GRID2: variants seen among roughly 807,000 people sequenced by gnomAD.
GRID2 encodes glutamate ionotropic receptor delta type subunit 2, also known as glutamate receptor ionotropic, delta-2.
A neutral mutation model predicts 114.8 loss-of-function variants in GRID2; 33 were observed. The observed-to-expected ratio is 0.29, with a 90% CI of 0.22 to 0.38. The LOEUF (loss-of-function observed/expected upper bound fraction) is 0.38. Ranked by LOEUF, GRID2 falls within the 10% of genes least tolerant of loss-of-function variation. The probability of loss-of-function intolerance (pLI) is 1.00; values close to 1 mark genes in which losing one functional copy is unlikely to be tolerated. For synonymous variants in GRID2, 505 were observed against 449.9 expected (o/e 1.12, Z -1.55); for missense variants, 1,184 against 1,257.7 (o/e 0.94, Z 0.89).
rs115503484 is a variant in GRID2, at chr4:93,662,019, C to G, written c.2360+35584C>G. Among the ~76,000 whole-genome samples, 1,178 of 152,308 alleles carry G rather than the reference C, an allele frequency of 7.7e-3. 5 individuals are homozygous for G. Among genetic ancestry groups the G allele is most frequent in the Non-Finnish European group, 0.012 (838 of 68,020 alleles). On this transcript the variant is annotated intron_variant, in intron 14 of 15. Coordinates refer to ENST00000282020, the MANE Select transcript of GRID2 (RefSeq NM_001510.4). ...CCTGACATCACTTCTTCCATTCCCC[C>G]CAACCCTTGCTCATTCTGTTCCAGC...
At chr4:93,713,528 A>G (rs1319095337) in intron 14 of GRID2, among the ~76,000 whole-genome samples, 1 of 152,078 alleles carries the variant, frequency 6.6e-6, no homozygotes, top group Non-Finnish European at 1.5e-5. Context: ...TACAATGGTG[A>G]AAAAGACATG....
rs538857413 is a variant in GRID2 at position 92,309,146 on chromosome 4, C to T, written c.88+4402C>T. Among the ~76,000 whole-genome samples, 34 of 152,008 alleles carry T rather than the reference C, an allele frequency of 2.2e-4. 1 individual carries two copies. The South Asian group carries it at 6.2e-3, about 28-fold the overall frequency. ...TAGGAATAAAAATCCAGGTGATTAA[C>T]TTTTGATTTATTAAAAAATAAAAGC... On this transcript the variant is annotated intron_variant, in intron 1 of 15. Coordinates refer to ENST00000282020, the MANE Select transcript of GRID2 (RefSeq NM_001510.4).
intron 4 of GRID2, among the ~76,000 whole-genome samples, chr4:93,178,731 GATGTGTGTGA>G (rs1006677962): frequency 1.3e-5 from 2 of 151,898 alleles, no homozygotes; most frequent in African/African-American, 4.8e-5. Context: ...TTCTGTATGC[GATGTGTGTGA>G]ATGTGTGTGT....
At chr4:92,997,778 G>T (rs1186452945) in intron 2 of GRID2, among the ~76,000 whole-genome samples, 1 of 152,096 alleles carries the variant, frequency 6.6e-6, no homozygotes, top group Non-Finnish European at 1.5e-5. Flanking sequence ...TGAAATTTTA[G>T]CTTTGTCACT....
chr4:93,118,680 A>G (rs925381845), intron 4 of GRID2, among the ~76,000 whole-genome samples: 13 of 152,304 alleles, frequency 8.5e-5, no homozygotes, highest in African/African-American at 2.9e-4. Context: ...AATTTATTGA[A>G]AACGGCTTAC....
chr4:92,873,457 G>C lies in GRID2; in HGVS notation c.245-211538G>C, dbSNP rs575875871. 4.6e-5 allele frequency among the ~76,000 whole-genome samples: 7 copies of C among 151,880 alleles called. No individual in the cohort carries two copies. In the South Asian group the frequency reaches 1.5e-3, roughly 31 times the overall value. On this transcript the variant is annotated intron_variant, in intron 2 of 15. Coordinates refer to ENST00000282020, the MANE Select transcript of GRID2 (RefSeq NM_001510.4). The stretch of plus-strand genomic sequence containing the variant: ...GTATTTTCAAAAAAATCATTTAAAT[G>C]TTATATTATTAAAATTGGACTTGAA...
chr4:93,384,632 TA>T (rs1170752902), intron 8 of GRID2, among the ~76,000 whole-genome samples: 4 of 152,296 alleles, frequency 2.6e-5, no homozygotes, highest in Middle Eastern at 3.4e-3. Context: ...AGGTATTTAA[TA>T]AATAACTGTC....
At chr4:93,197,740 C>CA (rs1222280257) in intron 4 of GRID2, among the ~76,000 whole-genome samples, 2 of 152,136 alleles carry the variant, frequency 1.3e-5, no homozygotes, top group Non-Finnish European at 2.9e-5. Context: ...ACCTGAGACT[C>CA]AGAGTATGTA....
chr4:92,704,107 TC>T (rs1734819507), intron 2 of GRID2, among the ~76,000 whole-genome samples: 2 of 152,072 alleles, frequency 1.3e-5, no homozygotes. Context: ...AAACCCCGTC[TC>T]TACTTAAAAA....
At chr4:93,808,048 C>T (rs1735066055) in exon 2 of GRID2, 1 of 152,096 alleles carries the variant, frequency 6.6e-6, no homozygotes, top group South Asian at 2.1e-4. Flanking sequence ...AGATTAAAGC[C>T]AACAAGCAGC....
intron 6 of GRID2, among the ~76,000 whole-genome samples, chr4:93,220,598 T>G (rs1421718995): frequency 6.6e-6 from 1 of 152,170 alleles, no homozygotes; most frequent in Non-Finnish European, 1.5e-5. Flanking sequence ...TCTAAATAAA[T>G]CAATCAAATC....
At chr4:93,218,869 G>A (rs895929947) in intron 6 of GRID2, among the ~76,000 whole-genome samples, 1 of 152,170 alleles carries the variant, frequency 6.6e-6, no homozygotes, top group South Asian at 2.1e-4. Flanking sequence ...CAGCAGGTAA[G>A]ACAAGTGCTG....
At chr4:93,517,706 G>A (rs1229973570) in intron 13 of GRID2, among the ~76,000 whole-genome samples, 1 of 151,796 alleles carries the variant, frequency 6.6e-6, no homozygotes, top group East Asian at 2.0e-4. Flanking sequence ...TGAGAACTAT[G>A]ACACATGGAA....
chr4:93,600,246 T>G (rs2149638140), intron 13 of GRID2, among the ~76,000 whole-genome samples: 1 of 152,236 alleles, frequency 6.6e-6, no homozygotes, highest in South Asian at 2.1e-4. Context: ...AAAAAAATTC[T>G]ACTTATCAAA....
chr4:92,410,031 A>G (rs1387116057), intron 1 of GRID2, among the ~76,000 whole-genome samples: 1 of 152,204 alleles, frequency 6.6e-6, no homozygotes, highest in Non-Finnish European at 1.5e-5. Flanking sequence ...AATGAATAAG[A>G]AAATATAAAT....
chr4:93,232,612 C>G, intron 7 of GRID2, among the ~76,000 whole-genome samples: 1 of 149,228 alleles, frequency 6.7e-6, no homozygotes, highest in South Asian at 2.1e-4. Context: ...CTTAATTGAC[C>G]AATTTCTGTT....
At chr4:92,471,301 C>T (rs1007036620) in intron 1 of GRID2, among the ~76,000 whole-genome samples, 8 of 152,086 alleles carry the variant, frequency 5.3e-5, no homozygotes, top group African/African-American at 1.7e-4. Context: ...GCCTAAAATA[C>T]TAATACTATA....
At chr4:92,611,565 A>G (rs1176889570) in intron 2 of GRID2, among the ~76,000 whole-genome samples, 1 of 151,596 alleles carries the variant, frequency 6.6e-6, no homozygotes, top group Non-Finnish European at 1.5e-5. Context: ...CAGTCATAGC[A>G]TCTTACTAGG....
At chr4:92,501,089 A>C (rs1723661104) in intron 1 of GRID2, among the ~76,000 whole-genome samples, 1 of 152,108 alleles carries the variant, frequency 6.6e-6, no homozygotes, top group Non-Finnish European at 1.5e-5. Context: ...TTCTCTCAGG[A>C]GGGGTGTTGG....
Sources: allele counts gnomAD v4.1 joint callset (sites outside exome capture counted in the v4.1 genomes callset), GRCh38; gene constraint gnomAD v4.1.1; transcripts MANE v1.5; gene names NCBI Gene and HGNC (gene_info 2026-07-23, HGNC 2026-07-21).